SPIDR: variants seen among roughly 807,000 people sequenced by gnomAD.
The protein encoded by SPIDR is scaffold protein involved in DNA repair.
SPIDR carries 93 observed loss-of-function variants against 104.6 expected under a neutral mutation model. The observed-to-expected ratio is 0.89, with a 90% CI of 0.75 to 1.06. SPIDR has a LOEUF of 1.06. SPIDR is among the 50% of genes least tolerant of loss of function. The pLI is 0.00. For missense variants in SPIDR, 1,154 were observed against 1,111.2 expected, an observed-to-expected ratio of 1.04 and a Z score of -0.55; for synonymous variants, 431 against 416.9, an observed-to-expected ratio of 1.03 and a Z score of -0.41.
intron 5 of SPIDR, among the ~76,000 whole-genome samples, chr8:47,328,583 G>A (rs1020177595): frequency 2.6e-5 from 4 of 151,910 alleles, no homozygotes; most frequent in Non-Finnish European, 5.9e-5. Flanking sequence ...ATGGAAATCC[G>A]GTTGTCCCAG....
At chr8:47,559,097 T>C (rs2056744732) in intron 8 of SPIDR, among the ~76,000 whole-genome samples, 1 of 152,268 alleles carries the variant, frequency 6.6e-6, no homozygotes. Flanking sequence ...GAATGTTTGC[T>C]CTTGTTTCAT....
rs558923856 is a variant in SPIDR at position 47,727,628 on chromosome 8, A to G, written c.2435+335A>G. 1.1e-4 allele frequency among the ~76,000 whole-genome samples: 17 copies of G among 152,346 alleles called. No individual in the cohort carries two copies. The South Asian group carries it at 3.5e-3, about 32-fold the overall frequency. On this transcript the variant is annotated intron_variant, in intron 17 of 19. Coordinates refer to ENST00000297423, the MANE Select transcript of SPIDR (RefSeq NM_001080394.4). ...GACTGTATAGCCTAGCTTTTGTGAA[A>G]GGTGCAGACGTTTACAGAGACCACT...
intron 11 of SPIDR, among the ~76,000 whole-genome samples, chr8:47,685,513 A>ATTTTTTTTTTTTTT (rs376980650): frequency 7.4e-5 from 9 of 120,970 alleles, no homozygotes; most frequent in Admixed American, 3.4e-4. Flanking sequence ...TTATTTATTT[A>ATTTTTTTTTTTTTT]TTTATTTTTT....
intron 7 of SPIDR, among the ~76,000 whole-genome samples, chr8:47,427,855 T>A (rs1391838369): frequency 2.0e-5 from 3 of 152,218 alleles, no homozygotes; most frequent in African/African-American, 7.2e-5. Context: ...GGGGTTGTGG[T>A]CCAGGGTCAC....
chr8:47,690,913 T>G (rs982270930), intron 11 of SPIDR, among the ~76,000 whole-genome samples: 4 of 152,130 alleles, frequency 2.6e-5, no homozygotes, highest in Non-Finnish European at 4.4e-5. Context: ...TAAGCAGAGA[T>G]TCAAAGGAAT....
rs183185051 is a variant in SPIDR at position 47,634,071 on chromosome 8, C to T, written c.1544+34875C>T. Among the ~76,000 whole-genome samples, 372 of 147,778 alleles carry T rather than the reference C, an allele frequency of 2.5e-3. 2 individuals carry two copies. Among genetic ancestry groups the T allele is most frequent in the Admixed American group, 5.1e-3 (74 of 14,564 alleles). ...GATCGTGCCACTGCACCCCAGCCTG[C>T]GTGACAGAGTAAGACCCTGTCTCAA... On this transcript the variant is annotated intron_variant, in intron 10 of 19. Transcript: ENST00000297423.
chr8:47,297,601 TC>T (rs2041118742), intron 5 of SPIDR, among the ~76,000 whole-genome samples: 1 of 152,046 alleles, frequency 6.6e-6, no homozygotes, highest in South Asian at 2.1e-4. Context: ...ATGCTATCCC[TC>T]CCCACCTCCC....
chr8:47,424,813 G>A lies in SPIDR; in HGVS notation c.878-15510G>A, dbSNP rs541661900. ...TGCAGTGGCGCAGCCTTGGCTCACT[G>A]TAACCTCCGCCTCCTGGGTCCAGAC... On this transcript the variant is annotated intron_variant, in intron 7 of 19. Coordinates refer to ENST00000297423, the MANE Select transcript of SPIDR (RefSeq NM_001080394.4). Among the ~76,000 whole-genome samples the A allele has an allele frequency of 1.1e-4, 16 of 152,278 alleles. No individual in the cohort carries two copies. The East Asian group carries it at 3.1e-3, about 29-fold the overall frequency.
At chr8:47,574,177 A>G (rs1165611748) in intron 8 of SPIDR, among the ~76,000 whole-genome samples, 2 of 152,170 alleles carry the variant, frequency 1.3e-5, no homozygotes, top group African/African-American at 2.4e-5. Flanking sequence ...TATGTTTGTA[A>G]TGTCAGTTTC....
intron 7 of SPIDR, among the ~76,000 whole-genome samples, chr8:47,422,379 A>T (rs2065665634): frequency 6.6e-6 from 1 of 152,174 alleles, no homozygotes; most frequent in Non-Finnish European, 1.5e-5. Flanking sequence ...GCAATGAGCG[A>T]GGCTCTGTGG....
At chr8:47,382,884 G>A (rs1270812687) in intron 5 of SPIDR, among the ~76,000 whole-genome samples, 1 of 152,204 alleles carries the variant, frequency 6.6e-6, no homozygotes. Context: ...AAAACTGGAA[G>A]ATTTCAAGTT....
chr8:47,414,440 GA>G (rs2063950444), intron 7 of SPIDR, among the ~76,000 whole-genome samples: 2 of 152,082 alleles, frequency 1.3e-5, no homozygotes, highest in South Asian at 4.1e-4. Flanking sequence ...TTTTGTTCTA[GA>G]TATTAAGTGT....
At chr8:47,315,146 C>T (rs2045074091) in intron 5 of SPIDR, among the ~76,000 whole-genome samples, 1 of 151,988 alleles carries the variant, frequency 6.6e-6, no homozygotes, top group African/African-American at 2.4e-5. Context: ...TACTCTGTAA[C>T]TTATAGAAAA....
intron 8 of SPIDR, among the ~76,000 whole-genome samples, chr8:47,506,085 T>C (rs2081433902): frequency 6.6e-6 from 1 of 152,202 alleles, no homozygotes; most frequent in South Asian, 2.1e-4. Context: ...AGTACCTCCT[T>C]TGTTTCTTGT....
chr8:47,654,343 A>G (rs1003511181), intron 10 of SPIDR, among the ~76,000 whole-genome samples: 2 of 152,220 alleles, frequency 1.3e-5, no homozygotes, highest in African/African-American at 4.8e-5. Context: ...AATATTAAAA[A>G]GGTGATGCGG....
At chr8:47,519,580 C>G (rs995116552) in intron 8 of SPIDR, among the ~76,000 whole-genome samples, 2 of 152,076 alleles carry the variant, frequency 1.3e-5, no homozygotes, top group Admixed American at 1.3e-4. Flanking sequence ...ACTGGGAGTT[C>G]AGAACTAGTC....
intron 14 of SPIDR, among the ~76,000 whole-genome samples, chr8:47,712,372 T>G (rs542012200): frequency 6.6e-6 from 1 of 152,048 alleles, no homozygotes; most frequent in African/African-American, 2.4e-5. Flanking sequence ...AAACAGAGGA[T>G]CAGGAGGAAA....
intron 8 of SPIDR, among the ~76,000 whole-genome samples, chr8:47,452,784 C>T (rs1374319385): frequency 1.3e-5 from 2 of 152,170 alleles, no homozygotes; most frequent in African/African-American, 2.4e-5. Flanking sequence ...TGGAAGCATT[C>T]CCTTTGAAAA....
chr8:47,626,365 A>C (rs2066104951), intron 10 of SPIDR, among the ~76,000 whole-genome samples: 1 of 152,246 alleles, frequency 6.6e-6, no homozygotes, highest in Non-Finnish European at 1.5e-5. Context: ...AAGCAATGGC[A>C]ACAAAAGCCA....
Sources: gnomAD v4.1 joint callset for allele counts (sites outside exome capture counted in the v4.1 genomes callset) on GRCh38, gnomAD v4.1.1 for gene constraint, MANE v1.5 for transcripts, NCBI Gene and HGNC (gene_info 2026-07-23, HGNC 2026-07-21) for gene names.